The following RABEPK variants were observed in gnomAD, a reference collection of about 807,000 sequenced individuals.
RABEPK encodes the protein 40 kDa Rab9 effector protein.
Under a neutral mutation model 34.1 loss-of-function variants are expected in RABEPK, and 27 were observed. The observed-to-expected ratio is 0.79, with a 90% CI of 0.58 to 1.09. The LOEUF (loss-of-function observed/expected upper bound fraction) is 1.09, where lower values mean the gene tolerates loss of function less well. RABEPK is among the 50% of genes least tolerant of loss of function. RABEPK has a pLI of 0.00. For synonymous variants in RABEPK, 172 were observed against 169.2 expected (o/e 1.02, Z -0.13); for missense variants, 449 against 462.6 (o/e 0.97, Z 0.27).
intron 4 of RABEPK, among the ~76,000 whole-genome samples, chr9:125,213,863 G>A (rs1830746443): frequency 6.6e-6 from 1 of 152,204 alleles, no homozygotes; most frequent in Admixed American, 6.5e-5. Flanking sequence ...GCCCATGCCT[G>A]TAATCCCAGT....
rs185560187 is a variant in RABEPK at position 125,209,380 on chromosome 9, C to T, written c.211+1659C>T. Among the ~76,000 whole-genome samples, 7 of 140,280 alleles carry T rather than the reference C, an allele frequency of 5.0e-5. No homozygotes were observed. The East Asian group carries it at 1.1e-3, about 22-fold the overall frequency. 92.0% of individuals were successfully genotyped at this position (140,280 alleles called of 152,430 possible). On this transcript the variant is annotated intron_variant, in intron 3 of 7. Coordinates refer to ENST00000373538, the MANE Select transcript of RABEPK (RefSeq NM_005833.4). ...GCCTTTTTTTTTTGAGGCAGCGTGT[C>T]GCTCTGTCACCCAGGCTGGAGTGCA...
At chr9:125,214,301 A>G (rs79768651) in intron 4 of RABEPK, among the ~76,000 whole-genome samples, 4,990 of 152,164 alleles carry the variant, frequency 0.033, 239 homozygotes, top group African/African-American at 0.11. Context: ...AACTGGGGGT[A>G]GCGTGGGCTA....
intron 2 of RABEPK, among the ~76,000 whole-genome samples, chr9:125,204,348 G>A (rs1011748731): frequency 6.6e-6 from 1 of 152,126 alleles, no homozygotes; most frequent in Non-Finnish European, 1.5e-5. Context: ...TTGGGAGGCT[G>A]AGGTGGGTGG....
intron 4 of RABEPK, among the ~76,000 whole-genome samples, chr9:125,216,721 G>T (rs528663283): frequency 8.9e-4 from 135 of 152,202 alleles, no homozygotes; most frequent in Non-Finnish European, 1.7e-3. Context: ...CCAACACTTT[G>T]GGAGGACGAG....
At chr9:125,211,429 C>G (rs1037012002) in intron 3 of RABEPK, among the ~76,000 whole-genome samples, 3 of 151,810 alleles carry the variant, frequency 2.0e-5, no homozygotes, top group Admixed American at 6.6e-5. Flanking sequence ...GGATTACATG[C>G]GTGAGCCACC....
chr9:125,221,377 A>T (rs1831321188), intron 5 of RABEPK: 1 of 151,468 alleles, frequency 6.6e-6, no homozygotes, highest in African/African-American at 2.4e-5. Context: ...GGTGCCTGTA[A>T]TCCCAGCTAC....
chr9:125,213,439 C>G lies in RABEPK; in HGVS notation c.281C>G (p.Pro94Arg). 2.5e-6 allele frequency: 4 copies of G among 1,614,062 alleles called. No homozygotes were observed. The highest frequency in any genetic ancestry group is 3.4e-6 in the Non-Finnish European group (4 of 1,179,974). Residue 94 changes from proline to arginine, a missense_variant, in exon 4 of 8, where the codon CCC becomes CGC. Pro to Arg is a moderately radical substitution (Grantham distance 103). Coordinates refer to ENST00000373538, the MANE Select transcript of RABEPK (RefSeq NM_005833.4). ...LPRYEHASFIPSCTPDRIWVF... is the reference protein window; with the variant it reads ...LPRYEHASFIRSCTPDRIWVF... ...CGGTATGAACATGCTAGCTTCATTC[C>G]CTCCTGCACACCTGACCGTATCTGG... is the stretch of plus-strand genomic sequence containing the variant.
Position 125,232,607 on chromosome 9 carries a change from T to C in RABEPK, c.688T>C (p.Trp230Arg), listed in dbSNP as rs1485999593. The C allele has an allele frequency of 1.2e-6, 2 of 1,611,444 alleles. No homozygotes were observed. The highest frequency in any genetic ancestry group is 2.7e-5 in the African/African-American group (2 of 74,844). ...CTTTCTCTTGGCAGGTGACATGAAATGGCAGAAGCTAAATCCCACTGGGGC... is the reference window on the plus strand; with the variant it reads ...CTTTCTCTTGGCAGGTGACATGAAACGGCAGAAGCTAAATCCCACTGGGGC... ...LHCIDISDMK[W>R]QKLNPTGAAP... The change falls in exon 7 of 8, where the codon TGG becomes CGG. Residue 230 changes from tryptophan to arginine, a missense_variant. Transcript: ENST00000373538.
At chr9:125,215,454 C>T (rs570720234) in intron 4 of RABEPK, among the ~76,000 whole-genome samples, 6 of 151,824 alleles carry the variant, frequency 4.0e-5, no homozygotes, top group African/African-American at 7.2e-5. Flanking sequence ...GGACTACAGG[C>T]GCTTGCCACC....
Position 125,226,149 on chromosome 9 carries a change from CAA to C in RABEPK, c.527-1744_527-1743del, listed in dbSNP as rs56728571. ...TGGGTAAGAGAGTAAGACTTTGTCT[CAA>C]AAAAAAAAAAAAAAAATTAGCTGGG... On this transcript the variant is annotated intron_variant, in intron 5 of 7. Transcript: ENST00000373538. Among the ~76,000 whole-genome samples, 771 of 96,382 alleles carry C rather than the reference CAA, an allele frequency of 8.0e-3. 8 individuals carry two copies. Among genetic ancestry groups the C allele is most frequent in the African/African-American group, 0.027 (690 of 25,288 alleles). 63.2% of individuals were successfully genotyped at this position (96,382 alleles called of 152,430 possible). A position where few individuals can be genotyped will look rare whatever the true frequency, so the allele number is the denominator to read the frequency against.
In RABEPK at chr9:125,234,087, T is replaced by A; in HGVS notation, c.*107T>A. 3.4e-6 allele frequency: 4 copies of A among 1,186,472 alleles called. No homozygotes were observed. The highest frequency in any genetic ancestry group is 4.8e-6 in the Non-Finnish European group (4 of 834,942). 73.5% of individuals were successfully genotyped at this position (1,186,472 alleles called of 1,614,324 possible). On this transcript the variant is annotated 3_prime_UTR_variant, in exon 8 of 8. Coordinates refer to ENST00000373538, the MANE Select transcript of RABEPK (RefSeq NM_005833.4). ...CTTCTGCATTATATATCTGTTTTTC[T>A]CCTACTTTGGTAGGTGAAGAAACTA...
At position 125,234,089 on chromosome 9, in the gene RABEPK, C is replaced by T. The variant is rs1832422008; in HGVS notation, c.*109C>T. 1.7e-6 allele frequency: 2 copies of T among 1,177,514 alleles called. No homozygotes were observed. The highest frequency in any genetic ancestry group is 4.7e-5 in the East Asian group (2 of 42,434). The allele number at this position is 1,177,514 out of a possible 1,614,324, so 72.9% of individuals were successfully genotyped here. A position where few individuals can be genotyped will look rare whatever the true frequency, so the allele number is the denominator to read the frequency against. On this transcript the variant is annotated 3_prime_UTR_variant, in exon 8 of 8. Coordinates refer to ENST00000373538, the MANE Select transcript of RABEPK (RefSeq NM_005833.4). Reference sequence around the variant, plus strand: ...TCTGCATTATATATCTGTTTTTCTCCTACTTTGGTAGGTGAAGAAACTAAT... The same window carrying T: ...TCTGCATTATATATCTGTTTTTCTCTTACTTTGGTAGGTGAAGAAACTAAT...
intron 6 of RABEPK, among the ~76,000 whole-genome samples, chr9:125,230,126 G>A (rs966773992): frequency 2.0e-5 from 3 of 152,066 alleles, no homozygotes; most frequent in African/African-American, 7.2e-5. Flanking sequence ...ACAACACCCA[G>A]ATAATTTTTT....
At chr9:125,214,970 A>T (rs1830830476) in intron 4 of RABEPK, among the ~76,000 whole-genome samples, 1 of 151,448 alleles carries the variant, frequency 6.6e-6, no homozygotes. Flanking sequence ...TTGTATTTTT[A>T]GCAGAGATGG....
chr9:125,207,461 A>C (rs1298988731), intron 2 of RABEPK, 103 bp from the exon 3 acceptor site: 5 of 1,248,256 alleles, frequency 4.0e-6, no homozygotes, highest in Non-Finnish European at 5.8e-6. Flanking sequence ...AAGTGTCTGC[A>C]TAAGGCTCTT....
chr9:125,211,253 G>T (rs1475765592), intron 3 of RABEPK, among the ~76,000 whole-genome samples: 2 of 151,058 alleles, frequency 1.3e-5, no homozygotes, highest in Non-Finnish European at 1.5e-5. Flanking sequence ...AAAAGAAAGT[G>T]ATTCTCCTGC....
At chr9:125,211,683 A>G (rs1430460962) in intron 3 of RABEPK, among the ~76,000 whole-genome samples, 1 of 152,058 alleles carries the variant, frequency 6.6e-6, no homozygotes, top group Non-Finnish European at 1.5e-5. Flanking sequence ...TGCACTAAAA[A>G]AATCAAAGGT....
intron 5 of RABEPK, among the ~76,000 whole-genome samples, chr9:125,224,637 G>C (rs1386101105): frequency 6.6e-6 from 1 of 151,970 alleles, no homozygotes; most frequent in East Asian, 1.9e-4. Context: ...AATATTCTTA[G>C]TAGAGATGGG....
rs568187610 is a variant in RABEPK at position 125,215,394 on chromosome 9, C to T, written c.364+1872C>T. Among the ~76,000 whole-genome samples the T allele has an allele frequency of 3.3e-5, 5 of 151,568 alleles. No homozygotes were observed. In the East Asian group the frequency reaches 7.8e-4, roughly 24 times the overall value. Reference sequence around the variant, plus strand: ...GTATGATCACAGCTCACTGCAGCCTCGACCACCCAGGCTCAGGTGAACCTC... The same window carrying T: ...GTATGATCACAGCTCACTGCAGCCTTGACCACCCAGGCTCAGGTGAACCTC... On this transcript the variant is annotated intron_variant, in intron 4 of 7. Coordinates refer to ENST00000373538, the MANE Select transcript of RABEPK (RefSeq NM_005833.4).
Sources: allele counts gnomAD v4.1 joint callset (sites outside exome capture counted in the v4.1 genomes callset), GRCh38; gene constraint gnomAD v4.1.1; transcripts MANE v1.5; gene names NCBI Gene and HGNC (gene_info 2026-07-23, HGNC 2026-07-21).